The following SWAP70 variants were observed in gnomAD, a reference collection of about 807,000 sequenced individuals.
SWAP70 encodes switching B cell complex subunit SWAP70, also known as switch-associated protein 70.
A neutral mutation model predicts 80.2 loss-of-function variants in SWAP70; 34 were observed. The ratio of observed to expected loss-of-function variants is 0.42; its 90% CI spans 0.32 to 0.56. The LOEUF (loss-of-function observed/expected upper bound fraction) is 0.56. Ranked by LOEUF, SWAP70 falls within the 20% of genes least tolerant of loss-of-function variation. SWAP70 has a pLI of 0.09. For missense variants in SWAP70, 578 were observed against 690.7 expected (o/e 0.84, Z 1.83); for synonymous variants, 239 against 238.5 (o/e 1.00, Z -0.02).
chr11:9,673,568 G>C (rs1386422797), intron 1 of SWAP70, among the ~76,000 whole-genome samples: 1 of 152,144 alleles, frequency 6.6e-6, no homozygotes, highest in African/African-American at 2.4e-5. Flanking sequence ...AGACAAAAAA[G>C]GGTATGATCT....
At chr11:9,710,886 G>T (rs1439899731) in intron 2 of SWAP70, among the ~76,000 whole-genome samples, 1 of 151,656 alleles carries the variant, frequency 6.6e-6, no homozygotes, top group Non-Finnish European at 1.5e-5. Flanking sequence ...GTCTGTCTCT[G>T]TTGCCCAGGC....
intron 7 of SWAP70, among the ~76,000 whole-genome samples, chr11:9,736,736 C>G (rs779391964): frequency 1.2e-4 from 18 of 152,168 alleles, no homozygotes; most frequent in Non-Finnish European, 2.6e-4. Flanking sequence ...ACACCAACAG[C>G]TGTTAGAGTT....
intron 2 of SWAP70, among the ~76,000 whole-genome samples, chr11:9,696,886 A>T (rs1160983098): frequency 1.3e-5 from 2 of 152,138 alleles, no homozygotes; most frequent in African/African-American, 2.4e-5. Context: ...GCCTTTCAAA[A>T]AATGATAATG....
chr11:9,704,147 T>C (rs1408585118), intron 2 of SWAP70, among the ~76,000 whole-genome samples: 1 of 152,182 alleles, frequency 6.6e-6, no homozygotes, highest in Non-Finnish European at 1.5e-5. Flanking sequence ...GTATGTTCTA[T>C]AATATTTTAA....
intron 10 of SWAP70, among the ~76,000 whole-genome samples, chr11:9,748,762 C>A (rs1317721674): frequency 2.6e-5 from 4 of 152,188 alleles, no homozygotes; most frequent in Admixed American, 2.6e-4. Context: ...AGTGGAGAGG[C>A]AGTAAACTGT....
At chr11:9,708,024 T>C (rs985369332) in intron 2 of SWAP70, among the ~76,000 whole-genome samples, 8 of 152,172 alleles carry the variant, frequency 5.3e-5, no homozygotes, top group South Asian at 4.1e-4. Context: ...TATCACATTT[T>C]CTTTATCCAT....
intron 7 of SWAP70, among the ~76,000 whole-genome samples, chr11:9,734,684 G>T (rs1186782207): frequency 6.6e-6 from 1 of 152,156 alleles, no homozygotes; most frequent in Non-Finnish European, 1.5e-5. Flanking sequence ...CTGTTGTTCA[G>T]GCTGGAGTGC....
intron 1 of SWAP70, among the ~76,000 whole-genome samples, chr11:9,693,879 GTATTA>G (rs1850723621): frequency 1.3e-5 from 2 of 151,938 alleles, no homozygotes; most frequent in Non-Finnish European, 2.9e-5. Context: ...GACCACAGGA[GTATTA>G]TATTCACAGA....
At chr11:9,728,675 A>G (rs1423124318) in intron 5 of SWAP70, among the ~76,000 whole-genome samples, 3 of 152,232 alleles carry the variant, frequency 2.0e-5, no homozygotes, top group African/African-American at 7.2e-5. Context: ...AAGAAGTGAA[A>G]TTCTCAAGAA....
intron 2 of SWAP70, among the ~76,000 whole-genome samples, chr11:9,698,629 T>G (rs905441857): frequency 6.6e-6 from 1 of 152,200 alleles, no homozygotes; most frequent in Non-Finnish European, 1.5e-5. Flanking sequence ...AGTCTCCAAC[T>G]CCTGACTTCA....
intron 6 of SWAP70, 27 bp downstream of exon 6, chr11:9,729,478 T>G (rs1192428352): frequency 6.7e-7 from 1 of 1,498,930 alleles, no homozygotes. Flanking sequence ...TTATTTGCCA[T>G]GATATAACTT....
At chr11:9,749,281 C>T (rs769564726) in intron 11 of SWAP70, 98 bp downstream of exon 11, 42 of 592,278 alleles carry the variant, frequency 7.1e-5, no homozygotes, top group Admixed American at 2.1e-4. Context: ...CTCGCTCTGT[C>T]GCCCAGGCTG....
intron 9 of SWAP70, among the ~76,000 whole-genome samples, chr11:9,743,515 A>G (rs1280498044): frequency 2.6e-5 from 4 of 151,388 alleles, no homozygotes; most frequent in Non-Finnish European, 4.4e-5. Context: ...CAGTCCCACC[A>G]ACAGTGTAAA....
chr11:9,683,517 C>A (rs984518105), intron 1 of SWAP70, among the ~76,000 whole-genome samples: 22 of 152,146 alleles, frequency 1.4e-4, no homozygotes, highest in Non-Finnish European at 1.5e-5. Context: ...ACTGCCAGAC[C>A]TTTGGGAGAG....
chr11:9,725,543 ATATATATATATATATATATATATATAT>A lies in SWAP70; in HGVS notation c.642+660_642+686del, dbSNP rs1189735029. Among the ~76,000 whole-genome samples, 83 of 8,932 alleles carry A rather than the reference ATATATATATATATATATATATATATAT, an allele frequency of 9.3e-3. 3 individuals are homozygous for A. Among genetic ancestry groups the A allele is most frequent in the Non-Finnish European group, 0.016 (60 of 3,828 alleles). 5.9% of individuals were successfully genotyped at this position (8,932 alleles called of 152,430 possible). ...TTAAAAATACAAAATATATATATAT[ATATATATATATATATATATATATATAT>A]TTTTTTTTTTTTTTTTTTCCAAGAC... On this transcript the variant is annotated intron_variant, in intron 4 of 11. Coordinates refer to ENST00000318950, the MANE Select transcript of SWAP70 (RefSeq NM_015055.4).
intron 1 of SWAP70, among the ~76,000 whole-genome samples, chr11:9,677,472 G>T (rs528558441): frequency 6.6e-6 from 1 of 152,014 alleles, no homozygotes; most frequent in East Asian, 1.9e-4. Context: ...CTTAACCCTT[G>T]GCCCATATTA....
At chr11:9,691,226 T>A (rs984137549) in intron 1 of SWAP70, among the ~76,000 whole-genome samples, 2 of 152,216 alleles carry the variant, frequency 1.3e-5, no homozygotes, top group African/African-American at 4.8e-5. Flanking sequence ...CCTGTTGTTA[T>A]ATTTTTTGAA....
rs3049795 is a variant in SWAP70, at chr11:9,717,659, CAA to C, written c.414+4037_414+4038del. ...TGGGAGATAGAGCCAGACCTTGTCT[CAA>C]AAAAAAAAAAAAAAAATTACAGTAT... is the stretch of plus-strand genomic sequence containing the variant. On this transcript the variant is annotated intron_variant, in intron 3 of 11. Transcript: ENST00000318950. Among the ~76,000 whole-genome samples the C allele has an allele frequency of 2.3e-3, 269 of 115,688 alleles. 1 individual carries two copies. The highest frequency in any genetic ancestry group is 0.015 in the Middle Eastern group (3 of 206). The allele number at this position is 115,688 out of a possible 152,430, so 75.9% of individuals were successfully genotyped here.
rs1287026132 is a variant in SWAP70 at position 9,752,264 on chromosome 11, G to T, written c.*2294G>T. On this transcript the variant is annotated 3_prime_UTR_variant, in exon 12 of 12. Transcript: ENST00000318950. ...CCTGGCTTATTCCACAGCTGTAGCT[G>T]ATAACATGACCTGGGGCTTAGCTGC... is the stretch of plus-strand genomic sequence containing the variant. 6.6e-6 allele frequency: 1 copy of T among 152,236 alleles called. No homozygotes were observed. The highest frequency in any genetic ancestry group is 1.5e-5 in the Non-Finnish European group (1 of 68,044). 9.4% of individuals were successfully genotyped at this position (152,236 alleles called of 1,614,324 possible). A position where few individuals can be genotyped will look rare whatever the true frequency, so the allele number is the denominator to read the frequency against.
Sources: allele counts gnomAD v4.1 joint callset (sites outside exome capture counted in the v4.1 genomes callset), GRCh38; gene constraint gnomAD v4.1.1; transcripts MANE v1.5; gene names NCBI Gene and HGNC (gene_info 2026-07-23, HGNC 2026-07-21).